Variants in KHDRBS2 observed in about 807,000 individuals in gnomAD.
KHDRBS2 encodes KH domain-containing, RNA-binding, signal transduction-associated protein 2.
In KHDRBS2, 26 loss-of-function variants were observed where a neutral mutation model predicts 44.3. The ratio of observed to expected loss-of-function variants is 0.59; its 90% CI spans 0.43 to 0.81. The LOEUF is 0.81. Ranked by LOEUF, KHDRBS2 falls within the 40% of genes least tolerant of loss-of-function variation. KHDRBS2 has a pLI of 0.00. For synonymous variants in KHDRBS2, 194 were observed against 151.1 expected (o/e 1.28, Z -2.08); for missense variants, 476 against 433.1 (o/e 1.10, Z -0.88).
At chr6:62,280,605 G>T (rs750713620) in intron 1 of KHDRBS2, among the ~76,000 whole-genome samples, 1 of 152,180 alleles carries the variant, frequency 6.6e-6, no homozygotes, top group Non-Finnish European at 1.5e-5. Flanking sequence ...AATTAAGAAA[G>T]TGAGGCAGCT....
chr6:61,850,370 G>A (rs1316570452), intron 6 of KHDRBS2, among the ~76,000 whole-genome samples: 1 of 149,718 alleles, frequency 6.7e-6, no homozygotes, highest in Non-Finnish European at 1.5e-5. Context: ...TAGTGCTTGG[G>A]AAAAAAAAAT....
intron 2 of KHDRBS2, among the ~76,000 whole-genome samples, chr6:62,117,934 C>G (rs1351304062): frequency 6.6e-6 from 1 of 152,086 alleles, no homozygotes; most frequent in Admixed American, 6.6e-5. Flanking sequence ...CACCACTACA[C>G]CTGGCTAATT....
intron 1 of KHDRBS2, among the ~76,000 whole-genome samples, chr6:62,228,722 G>C (rs1384238519): frequency 6.6e-6 from 1 of 152,022 alleles, no homozygotes; most frequent in Non-Finnish European, 1.5e-5. Context: ...AGCTAATCTG[G>C]TATGTTGTCT....
intron 7 of KHDRBS2, among the ~76,000 whole-genome samples, chr6:61,725,807 C>G (rs985765968): frequency 2.0e-5 from 3 of 151,846 alleles, no homozygotes; most frequent in African/African-American, 7.3e-5. Context: ...AATAAATAGC[C>G]CACCAACCAA....
intron 1 of KHDRBS2, among the ~76,000 whole-genome samples, chr6:62,192,030 T>G (rs1239773925): frequency 6.6e-6 from 1 of 151,998 alleles, no homozygotes; most frequent in Non-Finnish European, 1.5e-5. Context: ...ATAATTTGGG[T>G]TATATTGTAG....
chr6:61,861,529 T>G (rs1796964530), intron 6 of KHDRBS2, among the ~76,000 whole-genome samples: 2 of 152,170 alleles, frequency 1.3e-5, no homozygotes, highest in Admixed American at 1.3e-4. Context: ...GTTGTAGATG[T>G]ACAGTCTTAT....
At chr6:61,689,200 C>T (rs989161375) in intron 8 of KHDRBS2, among the ~76,000 whole-genome samples, 2 of 151,954 alleles carry the variant, frequency 1.3e-5, no homozygotes, top group Non-Finnish European at 2.9e-5. Context: ...TCAGAACCTT[C>T]ATGTTTGGGA....
At position 62,229,550 on chromosome 6, in the gene KHDRBS2, C is replaced by T. The variant is rs570694632; in HGVS notation, c.92-52238G>A. 2.6e-5 allele frequency among the ~76,000 whole-genome samples: 4 copies of T among 152,294 alleles called. No individual in the cohort carries two copies. In the South Asian group the frequency reaches 8.3e-4, roughly 32 times the overall value. Reference sequence around the variant, plus strand: ...CTTGTTGCCCCTCCCCACTGGAGCTCGGCTGGCTTATGCAGATTCTAGCTT... The same window carrying T: ...CTTGTTGCCCCTCCCCACTGGAGCTTGGCTGGCTTATGCAGATTCTAGCTT... On this transcript the variant is annotated intron_variant, in intron 1 of 8. Transcript: ENST00000281156.
chr6:62,205,666 G>A (rs1827826315), intron 1 of KHDRBS2, among the ~76,000 whole-genome samples: 1 of 152,014 alleles, frequency 6.6e-6, no homozygotes, highest in African/African-American at 2.4e-5. Context: ...TGCAGGGTGA[G>A]GCAAAAATTA....
At chr6:61,922,285 C>A (rs1808214297) in intron 4 of KHDRBS2, among the ~76,000 whole-genome samples, 1 of 151,996 alleles carries the variant, frequency 6.6e-6, no homozygotes, top group Non-Finnish European at 1.5e-5. Context: ...GTATGGGGAA[C>A]AACTGTGGTA....
the KHDRBS2 span, among the ~76,000 whole-genome samples, chr6:61,552,790 T>A: frequency 6.6e-6 from 1 of 152,204 alleles, no homozygotes; most frequent in Non-Finnish European, 1.5e-5. Flanking sequence ...GTTTATGTAA[T>A]GAATCACATT....
At chr6:62,091,965 G>A (rs1311497052) in intron 2 of KHDRBS2, among the ~76,000 whole-genome samples, 1 of 152,092 alleles carries the variant, frequency 6.6e-6, no homozygotes, top group Non-Finnish European at 1.5e-5. Flanking sequence ...GTAAATCAAG[G>A]AGCCTTTAAG....
intron 6 of KHDRBS2, among the ~76,000 whole-genome samples, chr6:61,748,059 C>T (rs1777114074): frequency 6.6e-6 from 1 of 152,256 alleles, no homozygotes; most frequent in Non-Finnish European, 1.5e-5. Context: ...GGCATGATCT[C>T]AGCTCACTGC....
intron 1 of KHDRBS2, among the ~76,000 whole-genome samples, chr6:62,190,652 C>T (rs1478416856): frequency 1.3e-5 from 2 of 152,068 alleles, no homozygotes; most frequent in South Asian, 2.1e-4. Context: ...TCTATATTTA[C>T]ATTCTAAAAT....
chr6:61,843,179 G>T (rs1793851394), intron 6 of KHDRBS2, among the ~76,000 whole-genome samples: 2 of 151,942 alleles, frequency 1.3e-5, no homozygotes, highest in African/African-American at 4.8e-5. Context: ...GGCGGTGGAG[G>T]AGGAATGGGA....
At chr6:61,562,549 G>A in the KHDRBS2 span, among the ~76,000 whole-genome samples, 1 of 152,004 alleles carries the variant, frequency 6.6e-6, no homozygotes, top group African/African-American at 2.4e-5. Flanking sequence ...TTCTCTCTTT[G>A]AAATGTATAT....
the KHDRBS2 span, among the ~76,000 whole-genome samples, chr6:61,623,076 T>C: frequency 6.6e-6 from 1 of 151,904 alleles, no homozygotes; most frequent in East Asian, 1.9e-4. Flanking sequence ...AGGATAAAAT[T>C]AGATGGACAG....
intron 4 of KHDRBS2, among the ~76,000 whole-genome samples, chr6:61,952,668 T>C (rs1765014034): frequency 6.6e-6 from 1 of 152,060 alleles, no homozygotes; most frequent in Admixed American, 6.6e-5. Context: ...CCAAGTACAA[T>C]TTTCCACCTG....
intron 2 of KHDRBS2, among the ~76,000 whole-genome samples, chr6:62,160,503 C>T (rs1817392614): frequency 6.6e-6 from 1 of 152,098 alleles, no homozygotes; most frequent in Admixed American, 6.6e-5. Flanking sequence ...GGGCAGTTAG[C>T]TCTTGTAGGT....
Sources: allele counts gnomAD v4.1 joint callset (sites outside exome capture counted in the v4.1 genomes callset), GRCh38; gene constraint gnomAD v4.1.1; transcripts MANE v1.5; gene names NCBI Gene and HGNC (gene_info 2026-07-23, HGNC 2026-07-21).